COL12A1: variants seen among roughly 807,000 people sequenced by gnomAD.
COL12A1 encodes the protein collagen alpha-1(XII) chain.
Under a neutral mutation model 349.7 loss-of-function variants are expected in COL12A1, and 114 were observed. That is an observed-to-expected ratio of 0.33 (90% CI 0.28 to 0.38). The LOEUF (loss-of-function observed/expected upper bound fraction) is 0.38. COL12A1 is among the 10% of genes least tolerant of loss of function. The probability of loss-of-function intolerance (pLI) is 1.00; values close to 1 mark genes in which losing one functional copy is unlikely to be tolerated. For missense variants in COL12A1, 3,284 were observed against 3,756.9 expected (o/e 0.87, Z 3.29); for synonymous variants, 1,369 against 1,329.0 (o/e 1.03, Z -0.66).
At chr6:75,179,414 C>T (rs1156766462) in intron 11 of COL12A1, among the ~76,000 whole-genome samples, 1 of 151,984 alleles carries the variant, frequency 6.6e-6, no homozygotes, top group Admixed American at 6.6e-5. Context: ...ACAGGAAAAG[C>T]ATCAGAAACT....
At chr6:75,189,919 T>C in intron 5 of COL12A1, 104 bp from the exon 6 acceptor site, 2 of 1,224,638 alleles carry the variant, frequency 1.6e-6, no homozygotes, top group Non-Finnish European at 2.3e-6. Context: ...TTCTGTTCAT[T>C]AGAACATATT....
intron 2 of COL12A1, among the ~76,000 whole-genome samples, chr6:75,200,115 A>G (rs1192873485): frequency 6.6e-6 from 1 of 152,180 alleles, no homozygotes; most frequent in Non-Finnish European, 1.5e-5. Flanking sequence ...TGCCCCCAAC[A>G]GAAATATTTC....
At chr6:75,099,884 G>C (rs1768223676) in intron 58 of COL12A1, among the ~76,000 whole-genome samples, 1 of 152,022 alleles carries the variant, frequency 6.6e-6, no homozygotes, top group African/African-American at 2.4e-5. Context: ...CACAACCCTT[G>C]GCCTTGATCT....
chr6:75,153,298 GA>G (rs1195690189), intron 17 of COL12A1, among the ~76,000 whole-genome samples: 1 of 152,012 alleles, frequency 6.6e-6, no homozygotes, highest in Non-Finnish European at 1.5e-5. Flanking sequence ...TGATACATAG[GA>G]AAAGCTTTGG....
chr6:75,154,309 A>T, intron 17 of COL12A1, 107 bp downstream of exon 17: 1 of 1,253,694 alleles, frequency 8.0e-7, no homozygotes, highest in Non-Finnish European at 1.1e-6. Flanking sequence ...AATAAATTTT[A>T]GTGTAAAATT....
At position 75,115,885 on chromosome 6, in the gene COL12A1, C is replaced by G. The variant is rs1430689789; in HGVS notation, c.7596G>C (p.Lys2532Asn). Residue 2532 changes from lysine (K) to asparagine (N), a missense_variant, in exon 49 of 66, where the codon AAG becomes AAC. Around this residue, in one of 2 missense-constraint regions of COL12A1, gnomAD observed 683 missense variants for 932.1 expected, o/e 0.73. Transcript: ENST00000322507. ...KMLEAYNLTE[K>N]NFASVQGVSL... ...ATACTCCTTGTACAGAAGCAAAATTCTTTTCTGTCAGGTTGTATGCTTCAA... is the reference window on the plus strand; with the variant it reads ...ATACTCCTTGTACAGAAGCAAAATTGTTTTCTGTCAGGTTGTATGCTTCAA... 6 of 1,613,420 alleles carry G rather than the reference C, an allele frequency of 3.7e-6. No individual in the cohort carries two copies. The highest frequency in any genetic ancestry group is 5.1e-6 in the Non-Finnish European group (6 of 1,179,674).
At position 75,123,402 on chromosome 6, in the gene COL12A1, C is replaced by T. The variant is rs1434449708; in HGVS notation, c.6874G>A (p.Val2292Met). The T allele has an allele frequency of 1.9e-6, 3 of 1,562,932 alleles. No homozygotes were observed. Among genetic ancestry groups the T allele is most frequent in the East Asian group, 4.7e-5 (2 of 42,194 alleles). Residue 2292 changes from valine (V) to methionine (M), a missense_variant and splice_region_variant, in exon 43 of 66, where the codon GTG (valine) becomes ATG (methionine). Coordinates refer to ENST00000322507, the MANE Select transcript of COL12A1 (RefSeq NM_004370.6). ...PGVSVKEHTT[V>M]KPTEAPTEPP... is the part of the protein sequence containing the mutation. ...TCTGTAGGGGCTTCTGTTGGTTTCA[C>T]AGCTAAAATTTAAAAATAATAATTA...
chr6:75,098,436 T>C (rs1300872527), intron 58 of COL12A1, among the ~76,000 whole-genome samples: 1 of 152,170 alleles, frequency 6.6e-6, no homozygotes, highest in African/African-American at 2.4e-5. Context: ...GGAGGATTGC[T>C]TAAGCCCAGG....
chr6:75,182,790 A>T (rs1207158350), intron 10 of COL12A1, among the ~76,000 whole-genome samples: 1 of 152,210 alleles, frequency 6.6e-6, no homozygotes, highest in Non-Finnish European at 1.5e-5. Context: ...TTGTTCCTAA[A>T]CCTGCTTGAC....
intron 14 of COL12A1, among the ~76,000 whole-genome samples, chr6:75,161,281 CTTG>C (rs1768012973): frequency 6.6e-6 from 1 of 152,144 alleles, no homozygotes; most frequent in Admixed American, 6.6e-5. Flanking sequence ...TATTTGAGAA[CTTG>C]TTAACTTTAA....
chr6:75,175,184 T>G lies in COL12A1; in HGVS notation c.2564A>C (p.Glu855Ala). Residue 855 changes from glutamate (E) to alanine (A), a missense_variant, in exon 13 of 66, where the codon GAA (glutamate) becomes GCA (alanine). Coordinates refer to ENST00000322507, the MANE Select transcript of COL12A1 (RefSeq NM_004370.6). ...TCCCCTCACAGTGACCTCTTGAGTT[T>G]CACCCCCTGCCACTGGGGTATATGT... ...LVTYTPVAGG[E>A]TQEVTVRGDT... 1 of 1,614,192 alleles carries G rather than the reference T, an allele frequency of 6.2e-7. No individual in the cohort carries two copies.
chr6:75,151,781 A>T, intron 20 of COL12A1, 86 bp downstream of exon 20: 1 of 1,335,002 alleles, frequency 7.5e-7, no homozygotes, highest in African/African-American at 1.5e-5. Context: ...ATTTTTTTTC[A>T]TGCTTCAGAT....
chr6:75,126,213 A>ACAT, intron 39 of COL12A1, 138 bp downstream of exon 39: 4 of 910,110 alleles, frequency 4.4e-6, no homozygotes, highest in Non-Finnish European at 6.2e-6. Flanking sequence ...ATTGCCAAAA[A>ACAT]CATTGCCTTT....
chr6:75,180,489 T>C (rs2149461103), intron 11 of COL12A1, among the ~76,000 whole-genome samples: 1 of 152,128 alleles, frequency 6.6e-6, no homozygotes, highest in South Asian at 2.1e-4. Flanking sequence ...AAAAAATGGT[T>C]ACAATGGTAA....
chr6:75,192,909 G>A (rs1486962736), intron 3 of COL12A1, among the ~76,000 whole-genome samples: 1 of 151,974 alleles, frequency 6.6e-6, no homozygotes, highest in African/African-American at 2.4e-5. Context: ...ACTTAAGCAG[G>A]TATCAAATAT....
Position 75,130,837 on chromosome 6 carries a change from G to C in COL12A1, c.6067+15C>G. Reference sequence around the variant, plus strand: ...GCTACAAGGGAATGGAATGGAGAAAGGATTTCTGCCTCACGCGTTCGGCCC... The same window carrying C: ...GCTACAAGGGAATGGAATGGAGAAACGATTTCTGCCTCACGCGTTCGGCCC... On this transcript the variant is annotated intron_variant, in intron 36 of 65. Coordinates refer to ENST00000322507, the MANE Select transcript of COL12A1 (RefSeq NM_004370.6). The C allele has an allele frequency of 6.2e-7, 1 of 1,613,942 alleles. No individual in the cohort carries two copies. The highest frequency in any genetic ancestry group is 8.5e-7 in the Non-Finnish European group (1 of 1,179,912).
chr6:75,162,794 A>C (rs1194432432), intron 14 of COL12A1, among the ~76,000 whole-genome samples: 1 of 152,158 alleles, frequency 6.6e-6, no homozygotes, highest in Non-Finnish European at 1.5e-5. Flanking sequence ...GAATCTACAA[A>C]GAACTGAAAC....
chr6:75,102,203 G>A (rs1168666810), intron 56 of COL12A1, 151 bp from the exon 57 acceptor site: 2 of 714,730 alleles, frequency 2.8e-6, no homozygotes, highest in Non-Finnish European at 4.7e-6. Context: ...GAAAGGAGAT[G>A]AATAAACCTT....
chr6:75,186,281 C>T (rs1406676889), intron 8 of COL12A1, among the ~76,000 whole-genome samples: 1 of 151,914 alleles, frequency 6.6e-6, no homozygotes, highest in Non-Finnish European at 1.5e-5. Context: ...GAAAACAACA[C>T]ACAACCCCAT....
Sources: allele counts gnomAD v4.1 joint callset (sites outside exome capture counted in the v4.1 genomes callset), GRCh38; gene constraint gnomAD v4.1.1; regional missense constraint gnomAD v4.1.1; transcripts MANE v1.5; gene names NCBI Gene and HGNC (gene_info 2026-07-23, HGNC 2026-07-21).